The following NRXN3 variants were observed in gnomAD, a reference collection of about 807,000 sequenced individuals.
The protein encoded by NRXN3 is neurexin III.
Under a neutral mutation model 137.6 loss-of-function variants are expected in NRXN3, and 32 were observed. The observed-to-expected ratio is 0.23, with a 90% CI of 0.18 to 0.31. The LOEUF (loss-of-function observed/expected upper bound fraction) is 0.31, where lower values mean the gene tolerates loss of function less well. NRXN3 is among the 10% of genes least tolerant of loss of function. The pLI is 1.00. For synonymous variants in NRXN3, 798 were observed against 784.5 expected (o/e 1.02, Z -0.29); for missense variants, 1,574 against 2,062.5 (o/e 0.76, Z 4.59).
chr14:78,657,637 G>A (rs893558238), intron 6 of NRXN3, among the ~76,000 whole-genome samples: 1 of 152,176 alleles, frequency 6.6e-6, no homozygotes, highest in Non-Finnish European at 1.5e-5. Flanking sequence ...ACCGAATGGA[G>A]TTTTGCAGCC....
At chr14:79,682,230 G>T (rs530746104) in intron 17 of NRXN3, among the ~76,000 whole-genome samples, 2 of 152,044 alleles carry the variant, frequency 1.3e-5, no homozygotes, top group Non-Finnish European at 2.9e-5. Flanking sequence ...CCCCCATGCT[G>T]ATCCATACTT....
intron 15 of NRXN3, among the ~76,000 whole-genome samples, chr14:79,414,764 C>T (rs1366810228): frequency 1.3e-5 from 2 of 151,972 alleles, no homozygotes; most frequent in East Asian, 1.9e-4. Flanking sequence ...GTATACAATA[C>T]ATTATCATTA....
chr14:79,825,945 CTTGA>C (rs1357669615), intron 20 of NRXN3, among the ~76,000 whole-genome samples: 1 of 152,100 alleles, frequency 6.6e-6, no homozygotes, highest in African/African-American at 2.4e-5. Flanking sequence ...TAAATATTAG[CTTGA>C]TTATGTGTCA....
intron 4 of NRXN3, among the ~76,000 whole-genome samples, chr14:78,317,336 G>A (rs1264857001): frequency 6.6e-6 from 1 of 152,184 alleles, no homozygotes; most frequent in East Asian, 1.9e-4. Context: ...GCAGGCGAGT[G>A]AGCATTATCG....
intron 10 of NRXN3, among the ~76,000 whole-genome samples, chr14:78,911,002 T>G (rs1219018980): frequency 6.6e-6 from 1 of 152,184 alleles, no homozygotes; most frequent in South Asian, 2.1e-4. Context: ...TCATATTCCA[T>G]TCAGAGTTCT....
At chr14:79,775,337 G>A (rs2139937991) in intron 19 of NRXN3, among the ~76,000 whole-genome samples, 1 of 152,106 alleles carries the variant, frequency 6.6e-6, no homozygotes, top group East Asian at 1.9e-4. Flanking sequence ...TAGGTATCCT[G>A]GAAAACCTCC....
chr14:78,617,610 G>T (rs2097359194), intron 4 of NRXN3, among the ~76,000 whole-genome samples: 1 of 152,002 alleles, frequency 6.6e-6, no homozygotes, highest in South Asian at 2.1e-4. Context: ...ATTCTAATGG[G>T]ATGGGGAATG....
chr14:79,828,703 G>A (rs1424250621), intron 20 of NRXN3, among the ~76,000 whole-genome samples: 1 of 139,538 alleles, frequency 7.2e-6, no homozygotes. Context: ...GACAGGAATA[G>A]ATTTGACTGG....
intron 19 of NRXN3, among the ~76,000 whole-genome samples, chr14:79,751,630 G>T (rs2154090254): frequency 6.6e-6 from 1 of 151,762 alleles, no homozygotes; most frequent in South Asian, 2.1e-4. Flanking sequence ...TGGTGAGAGA[G>T]GGCATCCCTG....
chr14:78,965,810 C>T (rs1415316994), intron 11 of NRXN3, among the ~76,000 whole-genome samples: 3 of 152,076 alleles, frequency 2.0e-5, no homozygotes, highest in Admixed American at 6.5e-5. Context: ...TATGATGAGC[C>T]GTGCTGAGCA....
At chr14:78,569,264 C>T (rs139105274) in intron 4 of NRXN3, among the ~76,000 whole-genome samples, 8 of 145,258 alleles carry the variant, frequency 5.5e-5, no homozygotes, top group East Asian at 4.2e-4. Flanking sequence ...CCACTGTGCC[C>T]GGCCTTTTCT....
intron 1 of NRXN3, among the ~76,000 whole-genome samples, chr14:78,194,983 C>G (rs2061094586): frequency 6.6e-6 from 1 of 152,174 alleles, no homozygotes; most frequent in Non-Finnish European, 1.5e-5. Flanking sequence ...CTGGGAGGCT[C>G]TCTTGCTCAG....
chr14:78,879,375 A>G (rs1194119322), intron 10 of NRXN3, among the ~76,000 whole-genome samples: 3 of 152,060 alleles, frequency 2.0e-5, no homozygotes, highest in Admixed American at 6.5e-5. Flanking sequence ...CTTATCTTTT[A>G]TCTTTATGAT....
At chr14:79,696,994 T>C (rs1373878359) in intron 18 of NRXN3, among the ~76,000 whole-genome samples, 1 of 151,926 alleles carries the variant, frequency 6.6e-6, no homozygotes, top group Non-Finnish European at 1.5e-5. Flanking sequence ...CTCTCATGAT[T>C]TTGTTAACCA....
intron 15 of NRXN3, among the ~76,000 whole-genome samples, chr14:79,403,341 T>C (rs1223888770): frequency 6.6e-6 from 1 of 152,062 alleles, no homozygotes; most frequent in African/African-American, 2.4e-5. Flanking sequence ...AAAGAACATT[T>C]TTAGATATTG....
At chr14:79,003,212 T>C (rs963040676) in intron 15 of NRXN3, among the ~76,000 whole-genome samples, 2 of 152,108 alleles carry the variant, frequency 1.3e-5, no homozygotes, top group Non-Finnish European at 2.9e-5. Flanking sequence ...AGTAATCTTA[T>C]CTCCTAATTT....
At chr14:78,207,653 G>A (rs2062339734) in intron 1 of NRXN3, among the ~76,000 whole-genome samples, 2 of 151,900 alleles carry the variant, frequency 1.3e-5, no homozygotes, top group South Asian at 4.2e-4. Flanking sequence ...ATCTATCCAG[G>A]AATCTGAGCT....
At chr14:79,563,723 AC>A (rs1439281558) in intron 16 of NRXN3, among the ~76,000 whole-genome samples, 1 of 151,802 alleles carries the variant, frequency 6.6e-6, no homozygotes, top group African/African-American at 2.4e-5. Flanking sequence ...TCTTCTTCTA[AC>A]CACAGGGTGC....
chr14:78,182,323 C>T (rs996325635), intron 1 of NRXN3, among the ~76,000 whole-genome samples: 3 of 147,840 alleles, frequency 2.0e-5, no homozygotes, highest in African/African-American at 7.5e-5. Context: ...GTAAGGCTCT[C>T]CTACACTTAA....
Sources: allele counts gnomAD v4.1 joint callset (sites outside exome capture counted in the v4.1 genomes callset), GRCh38; gene constraint gnomAD v4.1.1; transcripts MANE v1.5; gene names NCBI Gene and HGNC (gene_info 2026-07-23, HGNC 2026-07-21).